SH3RF1: variants seen among roughly 807,000 people sequenced by gnomAD.
SH3RF1 encodes SH3 domain containing ring finger 1, also known as E3 ubiquitin-protein ligase SH3RF1.
Under a neutral mutation model 74.0 loss-of-function variants are expected in SH3RF1, and 32 were observed. That is an observed-to-expected ratio of 0.43 (90% CI 0.33 to 0.58). SH3RF1 has a LOEUF of 0.58. Ranked by LOEUF, SH3RF1 falls within the 20% of genes least tolerant of loss-of-function variation. The probability of loss-of-function intolerance (pLI) is 0.05; values close to 1 mark genes in which losing one functional copy is unlikely to be tolerated. For missense variants in SH3RF1, 954 were observed against 1,130.9 expected (o/e 0.84, Z 2.24); for synonymous variants, 396 against 439.6 (o/e 0.90, Z 1.24).
chr4:169,223,044 A>G (rs1322902865), intron 2 of SH3RF1, among the ~76,000 whole-genome samples: 5 of 152,070 alleles, frequency 3.3e-5, no homozygotes, highest in Non-Finnish European at 7.4e-5. Flanking sequence ...ATTGCCTCCA[A>G]CTTCCTCTGC....
At chr4:169,204,054 T>C (rs1730177552) in intron 2 of SH3RF1, 1 of 152,192 alleles carries the variant, frequency 6.6e-6, no homozygotes, top group South Asian at 2.1e-4. Flanking sequence ...TCACTCCCTC[T>C]AACTCTAACT....
chr4:169,130,089 G>A lies in SH3RF1; in HGVS notation c.1136C>T (p.Ser379Leu), dbSNP rs746628451. 42 of 1,613,316 alleles carry A rather than the reference G, an allele frequency of 2.6e-5. No individual in the cohort carries two copies. The highest frequency in any genetic ancestry group is 1.6e-4 in the Middle Eastern group (1 of 6,080). ...GGGAACATCTGATGGGAAAGTAAAC[G>A]AGGGGCCAGTTGTCACTGGGCTGCT... ...PPSSPVTTGPSFTFPSDVPYQ... is the reference protein window; with the variant it reads ...PPSSPVTTGPLFTFPSDVPYQ... Residue 379 changes from serine to leucine, a missense_variant, in exon 6 of 12, where the codon TCG becomes TTG. This residue lies in a region of SH3RF1 where 854 missense variants were observed against 962.5 expected (regional missense o/e 0.89). Coordinates refer to ENST00000284637, the MANE Select transcript of SH3RF1 (RefSeq NM_020870.4).
chr4:169,137,698 A>G (rs1241300331), intron 4 of SH3RF1, among the ~76,000 whole-genome samples: 1 of 152,142 alleles, frequency 6.6e-6, no homozygotes, highest in Non-Finnish European at 1.5e-5. Flanking sequence ...CATCCTGTTG[A>G]TAAGATCACT....
chr4:169,099,440 A>T (rs1222873375), intron 11 of SH3RF1, among the ~76,000 whole-genome samples: 2 of 152,238 alleles, frequency 1.3e-5, no homozygotes, highest in Non-Finnish European at 2.9e-5. Context: ...ATTTATCTGA[A>T]AGAAGGATCC....
At chr4:169,167,631 T>C (rs968036349) in intron 2 of SH3RF1, among the ~76,000 whole-genome samples, 1 of 152,176 alleles carries the variant, frequency 6.6e-6, no homozygotes, top group Non-Finnish European at 1.5e-5. Flanking sequence ...AAATACTATA[T>C]GATTACATTT....
At chr4:169,268,549 C>T (rs1731391280) in intron 2 of SH3RF1, among the ~76,000 whole-genome samples, 1 of 152,162 alleles carries the variant, frequency 6.6e-6, no homozygotes, top group South Asian at 2.1e-4. Context: ...GTTTAGATTT[C>T]ATTCACTAAT....
intron 5 of SH3RF1, among the ~76,000 whole-genome samples, chr4:169,131,117 G>A (rs891640604): frequency 1.3e-5 from 2 of 152,166 alleles, no homozygotes; most frequent in East Asian, 3.8e-4. Context: ...AAGCTCAGAG[G>A]TTAGTTCCCA....
intron 4 of SH3RF1, among the ~76,000 whole-genome samples, chr4:169,146,183 T>G (rs1449868144): frequency 1.4e-5 from 2 of 144,378 alleles, no homozygotes; most frequent in Non-Finnish European, 3.0e-5. Context: ...TATTATATAT[T>G]CTATATAAAA....
intron 2 of SH3RF1, among the ~76,000 whole-genome samples, chr4:169,248,546 TA>T: frequency 6.6e-6 from 1 of 152,212 alleles, no homozygotes; most frequent in African/African-American, 2.4e-5. Flanking sequence ...ACGCCAGGCT[TA>T]AAATCTAGAT....
At chr4:169,239,125 C>CA (rs1730863881) in intron 2 of SH3RF1, among the ~76,000 whole-genome samples, 1 of 152,136 alleles carries the variant, frequency 6.6e-6, no homozygotes, top group Non-Finnish European at 1.5e-5. Flanking sequence ...CATTCTTCAC[C>CA]AATCTTTCTT....
chr4:169,187,885 C>T (rs569818325), intron 2 of SH3RF1, among the ~76,000 whole-genome samples: 1 of 152,042 alleles, frequency 6.6e-6, no homozygotes, highest in East Asian at 1.9e-4. Flanking sequence ...AGATGGAATC[C>T]GCAAAGTTAA....
intron 11 of SH3RF1, among the ~76,000 whole-genome samples, chr4:169,100,932 T>TC (rs1201022338): frequency 6.6e-6 from 1 of 152,162 alleles, no homozygotes; most frequent in Non-Finnish European, 1.5e-5. Flanking sequence ...ACGCTATCTC[T>TC]CCCACCCATA....
At chr4:169,209,943 C>G (rs1730330644) in intron 2 of SH3RF1, among the ~76,000 whole-genome samples, 1 of 152,078 alleles carries the variant, frequency 6.6e-6, no homozygotes, top group South Asian at 2.1e-4. Context: ...GCACGCATCA[C>G]CACACCCAGT....
At chr4:169,154,024 T>A (rs1006947839) in intron 4 of SH3RF1, among the ~76,000 whole-genome samples, 4 of 152,172 alleles carry the variant, frequency 2.6e-5, no homozygotes, top group Middle Eastern at 3.2e-3. Context: ...GTAATATTGA[T>A]AATACCTAAA....
intron 2 of SH3RF1, among the ~76,000 whole-genome samples, chr4:169,267,812 T>C (rs971933573): frequency 6.6e-6 from 1 of 152,206 alleles, no homozygotes; most frequent in African/African-American, 2.4e-5. Flanking sequence ...AAGACATCAC[T>C]TTTGAGTGCT....
intron 2 of SH3RF1, among the ~76,000 whole-genome samples, chr4:169,226,987 C>G (rs1730661443): frequency 6.6e-6 from 1 of 151,966 alleles, no homozygotes; most frequent in South Asian, 2.1e-4. Flanking sequence ...GTCAACATAA[C>G]AAGACCCCAT....
chr4:169,270,350 GCGGCCTGGGGCTGCGGCCCGGCCGGTCC>G (rs1178912450), intron 1 of SH3RF1, among the ~76,000 whole-genome samples: 3 of 152,086 alleles, frequency 2.0e-5, no homozygotes, highest in Non-Finnish European at 4.4e-5. Context: ...GGAGCCGGTC[GCGGCCTGGGGCTGCGGCCCGGCCGGTCC>G]CGGCGTGGGG....
In SH3RF1 at chr4:169,138,560, G is replaced by A. The variant is rs150015092; in HGVS notation, c.766-1940C>T. On this transcript the variant is annotated intron_variant, in intron 4 of 11. Transcript: ENST00000284637. ...CAACTCAGCACTCCTGTCCCAGTGA[G>A]TAAGAAGTAGAGGAGGGAGTTGAGA... is the stretch of plus-strand genomic sequence containing the variant. Among the ~76,000 whole-genome samples, 134 of 152,316 alleles carry A rather than the reference G, an allele frequency of 8.8e-4. 3 individuals carry two copies. The South Asian group carries it at 0.021, about 24-fold the overall frequency.
chr4:169,134,656 C>A (rs545569104), intron 5 of SH3RF1, among the ~76,000 whole-genome samples: 1 of 152,262 alleles, frequency 6.6e-6, no homozygotes, highest in African/African-American at 2.4e-5. Context: ...AGTTCTGAAC[C>A]TTTCTGGATT....
Sources: allele counts gnomAD v4.1 joint callset (sites outside exome capture counted in the v4.1 genomes callset), GRCh38; gene constraint gnomAD v4.1.1; regional missense constraint gnomAD v4.1.1; transcripts MANE v1.5; gene names NCBI Gene and HGNC (gene_info 2026-07-23, HGNC 2026-07-21).